Variants in SCFD2 observed in about 807,000 individuals in gnomAD.
The protein encoded by SCFD2 is sec1 family domain-containing protein 2.
SCFD2 carries 54 observed loss-of-function variants against 58.9 expected under a neutral mutation model. The observed-to-expected ratio is 0.92, with a 90% CI of 0.74 to 1.15. SCFD2 has a LOEUF of 1.15. Ranked by LOEUF, SCFD2 falls within the 50% of genes most tolerant of loss-of-function variation. SCFD2 has a pLI of 0.00. For missense variants in SCFD2, 805 were observed against 836.6 expected (o/e 0.96, Z 0.47); for synonymous variants, 321 against 335.9 (o/e 0.96, Z 0.49).
chr4:53,017,946 GGGC>G (rs528563653), intron 5 of SCFD2, among the ~76,000 whole-genome samples: 83 of 152,296 alleles, frequency 5.4e-4, no homozygotes, highest in African/African-American at 2.0e-3. Flanking sequence ...CCTTAAAGTA[GGGC>G]TTCTCTTGAC....
intron 4 of SCFD2, among the ~76,000 whole-genome samples, chr4:53,208,957 T>C (rs1168950322): frequency 1.3e-5 from 2 of 152,136 alleles, no homozygotes; most frequent in Non-Finnish European, 2.9e-5. Context: ...TTTGCATTTC[T>C]AACAAACCCT....
intron 4 of SCFD2, among the ~76,000 whole-genome samples, chr4:53,256,128 C>A (rs1342988303): frequency 6.6e-6 from 1 of 150,446 alleles, no homozygotes; most frequent in African/African-American, 2.5e-5. Flanking sequence ...ACTTCCCAGA[C>A]GGGGTGGCTG....
intron 5 of SCFD2, among the ~76,000 whole-genome samples, chr4:53,067,340 C>T (rs1475350227): frequency 2.0e-5 from 3 of 151,954 alleles, no homozygotes; most frequent in Non-Finnish European, 4.4e-5. Context: ...GGTTAGTACT[C>T]AAACATACAT....
chr4:53,213,245 AG>A (rs942824274), intron 4 of SCFD2, among the ~76,000 whole-genome samples: 4 of 152,136 alleles, frequency 2.6e-5, no homozygotes, highest in Non-Finnish European at 5.9e-5. Context: ...TGATGAGTAA[AG>A]ATAGAAATCA....
chr4:52,952,175 C>CTG (rs1720610052), intron 5 of SCFD2, among the ~76,000 whole-genome samples: 1 of 151,154 alleles, frequency 6.6e-6, no homozygotes, highest in African/African-American at 2.5e-5. Context: ...CTCTGTTCGT[C>CTG]TGTCTGAGTA....
intron 5 of SCFD2, among the ~76,000 whole-genome samples, chr4:53,120,776 G>T (rs945632470): frequency 6.6e-6 from 1 of 152,134 alleles, no homozygotes; most frequent in Non-Finnish European, 1.5e-5. Flanking sequence ...CCCCAGAAGG[G>T]TGTTGGTATA....
At chr4:53,138,607 A>G (rs1381019203) in intron 5 of SCFD2, among the ~76,000 whole-genome samples, 1 of 152,200 alleles carries the variant, frequency 6.6e-6, no homozygotes, top group East Asian at 1.9e-4. Context: ...AACCCTTGAC[A>G]TTTTGTGTGA....
intron 4 of SCFD2, among the ~76,000 whole-genome samples, chr4:53,182,458 C>A (rs536617176): frequency 4.6e-5 from 7 of 151,986 alleles, no homozygotes; most frequent in Non-Finnish European, 7.4e-5. Flanking sequence ...ATATGCAGAA[C>A]GCTGAAACTG....
intron 5 of SCFD2, among the ~76,000 whole-genome samples, chr4:52,964,590 C>A (rs301088): frequency 0.52 from 78,551 of 151,878 alleles, 20,672 homozygotes; most frequent in South Asian, 0.65. Context: ...TTAATGGTTC[C>A]AGGTAAACAA....
At chr4:52,937,098 C>A (rs1380471949) in intron 5 of SCFD2, among the ~76,000 whole-genome samples, 1 of 152,074 alleles carries the variant, frequency 6.6e-6, no homozygotes, top group Non-Finnish European at 1.5e-5. Flanking sequence ...TACATGTGGC[C>A]AAAAAGGGCC....
intron 4 of SCFD2, among the ~76,000 whole-genome samples, chr4:53,195,699 G>A (rs965364631): frequency 2.0e-5 from 3 of 152,098 alleles, no homozygotes; most frequent in Non-Finnish European, 4.4e-5. Flanking sequence ...AGTACTACCT[G>A]GATTGTGACT....
rs149346783 is a variant in SCFD2 at position 52,923,594 on chromosome 4, G to C, written c.1562-2724C>G. Among the ~76,000 whole-genome samples the C allele has an allele frequency of 4.1e-3, 622 of 152,258 alleles. 8 individuals carry two copies. The highest frequency in any genetic ancestry group is 0.014 in the African/African-American group (591 of 41,540). On this transcript the variant is annotated intron_variant, in intron 5 of 8. Coordinates refer to ENST00000401642, the MANE Select transcript of SCFD2 (RefSeq NM_152540.4). ...CACATGGGATTCATAGACTGCAGGG[G>C]ATTGGGGGGTAGGGGAAGAATGAAG...
intron 6 of SCFD2, among the ~76,000 whole-genome samples, chr4:52,912,414 TTTC>T (rs1188652531): frequency 6.6e-6 from 1 of 152,184 alleles, no homozygotes; most frequent in Non-Finnish European, 1.5e-5. Flanking sequence ...TTAGAACTTT[TTTC>T]TTTATCTATT....
intron 1 of SCFD2, among the ~76,000 whole-genome samples, chr4:53,353,221 GGTGA>G (rs1324178586): frequency 1.3e-5 from 2 of 151,842 alleles, no homozygotes; most frequent in African/African-American, 2.4e-5. Flanking sequence ...AGACCTTCGC[GGTGA>G]GTGTTACAGC....
intron 5 of SCFD2, among the ~76,000 whole-genome samples, chr4:53,101,483 T>A (rs1333249737): frequency 6.6e-6 from 1 of 152,218 alleles, no homozygotes; most frequent in Non-Finnish European, 1.5e-5. Context: ...AAATTACTCA[T>A]GGAAGAAATA....
At chr4:52,948,647 C>T (rs1266972455) in intron 5 of SCFD2, 11 of 424,356 alleles carry the variant, frequency 2.6e-5, no homozygotes, top group Non-Finnish European at 5.3e-5. Context: ...TGCTAATTTC[C>T]AACTCCTACT....
chr4:53,118,273 A>G (rs1318803130), intron 5 of SCFD2, among the ~76,000 whole-genome samples: 2 of 152,206 alleles, frequency 1.3e-5, no homozygotes, highest in East Asian at 3.8e-4. Context: ...GTAGGTGCTC[A>G]GTAAATAAGG....
intron 4 of SCFD2, among the ~76,000 whole-genome samples, chr4:53,203,412 T>C (rs1205605858): frequency 6.6e-6 from 1 of 152,006 alleles, no homozygotes; most frequent in African/African-American, 2.4e-5. Context: ...ACTAAAGATC[T>C]GTAAGTTGGA....
At chr4:53,055,577 C>G (rs1408725450) in intron 5 of SCFD2, among the ~76,000 whole-genome samples, 2 of 151,990 alleles carry the variant, frequency 1.3e-5, no homozygotes, top group Non-Finnish European at 2.9e-5. Flanking sequence ...AAAAAAGAAC[C>G]ACCCTGGAGG....
Sources: allele counts gnomAD v4.1 joint callset (sites outside exome capture counted in the v4.1 genomes callset), GRCh38; gene constraint gnomAD v4.1.1; transcripts MANE v1.5; gene names NCBI Gene and HGNC (gene_info 2026-07-23, HGNC 2026-07-21).